HYDIN: variants seen among roughly 807,000 people sequenced by gnomAD.
HYDIN encodes HYDIN axonemal central pair apparatus protein, also known as axonemal central pair apparatus protein HYDIN.
Under a neutral mutation model 403.9 loss-of-function variants are expected in HYDIN, and 132 were observed. The observed-to-expected ratio is 0.33, with a 90% CI of 0.28 to 0.38. The LOEUF (loss-of-function observed/expected upper bound fraction) is 0.38, where lower values mean the gene tolerates loss of function less well. HYDIN is among the 10% of genes least tolerant of loss of function. The pLI is 1.00. For synonymous variants in HYDIN, 1,202 were observed against 1,891.7 expected, an observed-to-expected ratio of 0.64 and a Z score of 9.46; for missense variants, 2,827 against 5,009.5, an observed-to-expected ratio of 0.56 and a Z score of 13.15.
rs369064059 is a variant in HYDIN at position 71,017,551 on chromosome 16, C to T, written c.3644+578G>A. Among the ~76,000 whole-genome samples, 22 of 151,600 alleles carry T rather than the reference C, an allele frequency of 1.5e-4. No homozygotes were observed. In the South Asian group the frequency reaches 4.6e-3, roughly 32 times the overall value. ...CTCATTCTCAGGCAGTTCTTTATAA[C>T]AGTGTGAAAAAGACTAATATACTGC... is the stretch of plus-strand genomic sequence containing the variant. On this transcript the variant is annotated intron_variant, in intron 23 of 85. Transcript: ENST00000393567.
intron 23 of HYDIN, among the ~76,000 whole-genome samples, chr16:70,996,934 T>C (rs2079551269): frequency 2.0e-5 from 3 of 150,666 alleles, no homozygotes; most frequent in Admixed American, 2.0e-4. Flanking sequence ...TATTATTACA[T>C]TGTAATATAT....
intron 18 of HYDIN, among the ~76,000 whole-genome samples, chr16:71,057,673 G>C (rs1235769272): frequency 6.6e-6 from 1 of 151,242 alleles, no homozygotes; most frequent in Non-Finnish European, 1.5e-5. Flanking sequence ...TACAAAATGG[G>C]AGAAAATTTT....
In HYDIN at chr16:70,879,686, G is replaced by T; in HGVS notation, c.10286C>A (p.Ala3429Asp). 1.3e-6 allele frequency: 2 copies of T among 1,498,668 alleles called. No individual in the cohort carries two copies. The highest frequency in any genetic ancestry group is 4.5e-5 in the East Asian group (2 of 44,054). The allele number at this position is 1,498,668 out of a possible 1,614,324, so 92.8% of individuals were successfully genotyped here. The change falls in exon 61 of 86, where the codon GCC becomes GAC. Residue 3429 changes from alanine to aspartate, a missense_variant. Transcript: ENST00000393567. ...SKMCIASHSH[A>D]FATVSFTPQI... ...CGGGGTGAAGGACACCGTGGCAAAG[G>T]CATGGGAATGACTGGCAATGCACAT... is the stretch of plus-strand genomic sequence containing the variant.
intron 45 of HYDIN, among the ~76,000 whole-genome samples, chr16:70,935,174 A>AG (rs1209723886): frequency 7.3e-6 from 1 of 136,378 alleles, no homozygotes; most frequent in Non-Finnish European, 1.6e-5. Context: ...TCTCAGCCTG[A>AG]GATGTCATAG....
At chr16:71,100,645 G>C (rs2083431097) in intron 10 of HYDIN, among the ~76,000 whole-genome samples, 2 of 152,196 alleles carry the variant, frequency 1.3e-5, no homozygotes, top group African/African-American at 4.8e-5. Flanking sequence ...AGTGAGGAAA[G>C]ATGGCTACAT....
intron 1 of HYDIN, among the ~76,000 whole-genome samples, chr16:71,222,202 G>C (rs573083680): frequency 5.3e-5 from 8 of 151,938 alleles, no homozygotes; most frequent in African/African-American, 1.5e-4. Flanking sequence ...CAATAAATGT[G>C]ATATATCACA....
chr16:70,860,455 G>T (rs2143615487), intron 70 of HYDIN, among the ~76,000 whole-genome samples: 1 of 140,222 alleles, frequency 7.1e-6, no homozygotes, highest in African/African-American at 3.1e-5. Context: ...GGTTAAGGAG[G>T]TGGTCAGGGA....
chr16:70,830,065 T>A (rs1287984745), intron 80 of HYDIN, among the ~76,000 whole-genome samples: 1 of 152,026 alleles, frequency 6.6e-6, no homozygotes, highest in East Asian at 1.9e-4. Flanking sequence ...ATAACAAAAA[T>A]CTCTGCCCTT....
chr16:71,207,077 C>A (rs1342759274), intron 1 of HYDIN, among the ~76,000 whole-genome samples: 2 of 152,052 alleles, frequency 1.3e-5, no homozygotes, highest in Non-Finnish European at 2.9e-5. Context: ...ATGCAGAGAA[C>A]CTCCAAAAGA....
rs775048622 is a variant in HYDIN, at chr16:70,920,594, C to T, written c.7782G>A (p.Glu2594=). 3.1e-6 allele frequency: 5 copies of T among 1,610,692 alleles called. No homozygotes were observed. Among genetic ancestry groups the T allele is most frequent in the Admixed American group, 3.3e-5 (2 of 59,822 alleles). ...ALESDKLPKG[E]QILDILGLGA... is the part of the protein sequence containing the mutation. Reference sequence around the variant, plus strand: ...CACCCTGGAGGAGAGTCCATACCTGCTCTCCTTTGGGAAGCTTGTCGCTCT... The same window carrying T: ...CACCCTGGAGGAGAGTCCATACCTGTTCTCCTTTGGGAAGCTTGTCGCTCT... The change falls in exon 46 of 86, where the codon GAG becomes GAA. Residue 2594 remains glutamate, a synonymous_variant. Transcript: ENST00000393567.
intron 83 of HYDIN, 84 bp downstream of exon 83, chr16:70,827,177 G>A (rs3852799): frequency 0.093 from 12,113 of 129,750 alleles, 699 homozygotes; most frequent in African/African-American, 0.29. Context: ...TGACTATGGG[G>A]GCCATCTTTA....
intron 10 of HYDIN, among the ~76,000 whole-genome samples, chr16:71,098,484 G>C (rs907580603): frequency 6.6e-6 from 1 of 151,812 alleles, no homozygotes; most frequent in East Asian, 1.9e-4. Flanking sequence ...TTACAGGCGT[G>C]AGCCACCGCG....
chr16:70,835,015 CAT>C (rs1157700083), intron 78 of HYDIN, among the ~76,000 whole-genome samples: 92 of 141,744 alleles, frequency 6.5e-4, no homozygotes, highest in African/African-American at 1.4e-3. Flanking sequence ...TATACACACA[CAT>C]ATATATATGT....
chr16:71,181,986 C>G (rs1216819961), intron 3 of HYDIN, among the ~76,000 whole-genome samples: 1 of 152,156 alleles, frequency 6.6e-6, no homozygotes, highest in Non-Finnish European at 1.5e-5. Flanking sequence ...GAAGGCCTCT[C>G]TGAGATGACT....
chr16:71,081,220 G>A (rs2082776215), intron 12 of HYDIN, among the ~76,000 whole-genome samples: 1 of 152,158 alleles, frequency 6.6e-6, no homozygotes, highest in South Asian at 2.1e-4. Context: ...GACATGGATT[G>A]GTGCCTTAGT....
chr16:71,197,876 T>G (rs1340598317), intron 1 of HYDIN, among the ~76,000 whole-genome samples: 2 of 152,194 alleles, frequency 1.3e-5, no homozygotes, highest in African/African-American at 4.8e-5. Context: ...GCCTCCCGAC[T>G]AGCTGGGATT....
intron 23 of HYDIN, among the ~76,000 whole-genome samples, chr16:71,009,672 A>T (rs993798905): frequency 6.7e-6 from 1 of 149,716 alleles, no homozygotes; most frequent in Non-Finnish European, 1.5e-5. Context: ...GGAGTATATG[A>T]GTCAGCCCAG....
intron 84 of HYDIN, among the ~76,000 whole-genome samples, chr16:70,812,070 T>C (rs2035542928): frequency 1.1e-5 from 1 of 90,734 alleles, no homozygotes; most frequent in African/African-American, 4.4e-5. Context: ...AGGGAACCCG[T>C]TCCAACCAGC....
chr16:70,945,118 T>C (rs2077811248), intron 41 of HYDIN, among the ~76,000 whole-genome samples: 1 of 152,194 alleles, frequency 6.6e-6, no homozygotes. Flanking sequence ...AACAGGAAGA[T>C]GTCACTGTGG....
Sources: gnomAD v4.1 joint callset for allele counts (sites outside exome capture counted in the v4.1 genomes callset) on GRCh38, gnomAD v4.1.1 for gene constraint, MANE v1.5 for transcripts, NCBI Gene and HGNC (gene_info 2026-07-23, HGNC 2026-07-21) for gene names.